Variants in ERBB3 observed in about 807,000 individuals in gnomAD.
ERBB3 encodes receptor tyrosine-protein kinase erbB-3.
ERBB3 carries 96 observed loss-of-function variants against 156.7 expected under a neutral mutation model. The ratio of observed to expected loss-of-function variants is 0.61; its 90% CI spans 0.52 to 0.73. The LOEUF (loss-of-function observed/expected upper bound fraction) is 0.73, where lower values mean the gene tolerates loss of function less well. ERBB3 is among the 30% of genes least tolerant of loss of function. The probability of loss-of-function intolerance (pLI) is 0.00; values close to 1 mark genes in which losing one functional copy is unlikely to be tolerated. For synonymous variants in ERBB3, 567 were observed against 632.0 expected (o/e 0.90, Z 1.54); for missense variants, 1,406 against 1,709.4 (o/e 0.82, Z 3.13).
intron 21 of ERBB3, 193 bp downstream of exon 21, chr12:56,098,133 G>C (rs566107230): frequency 4.8e-6 from 3 of 626,938 alleles, no homozygotes; most frequent in Non-Finnish European, 5.5e-6. Context: ...GGCCGGGCGC[G>C]GTGGCTCACG....
intron 27 of ERBB3, 61 bp downstream of exon 27, chr12:56,101,422 C>A: frequency 1.2e-6 from 2 of 1,601,364 alleles, no homozygotes; most frequent in Non-Finnish European, 1.7e-6. Flanking sequence ...CCGGGCTCCT[C>A]TTTTTTCTTC....
Position 56,090,053 on chromosome 12 carries a change from C to T in ERBB3, c.1109+1185C>T, listed in dbSNP as rs150160186. ...TTCCCCAGGCTAGAGTGCAGTGGTGCAATCTTGGCTCACTGCAACCTCCGC... is the reference window on the plus strand; with the variant it reads ...TTCCCCAGGCTAGAGTGCAGTGGTGTAATCTTGGCTCACTGCAACCTCCGC... On this transcript the variant is annotated intron_variant, in intron 9 of 27. Transcript: ENST00000267101. Among the ~76,000 whole-genome samples the T allele has an allele frequency of 5.3e-3, 801 of 150,714 alleles. 7 individuals carry two copies. Among genetic ancestry groups the T allele is most frequent in the African/African-American group, 0.019 (772 of 41,020 alleles).
In ERBB3 at chr12:56,097,964, A is replaced by C. The variant is rs372066092; in HGVS notation, c.2616+24A>C. The C allele has an allele frequency of 1.9e-4, 313 of 1,611,488 alleles. No homozygotes were observed. The African/African-American group carries it at 3.6e-3, about 18-fold the overall frequency. ...AGGTGAGGAGACACAAAGGGTAAGG[A>C]GGCGGGGGTGGAGTGAAGCATGGGG... On this transcript the variant is annotated intron_variant, in intron 21 of 27. Transcript: ENST00000267101.
Position 56,095,835 on chromosome 12 carries a change from C to T in ERBB3, c.2055+29C>T, listed in dbSNP as rs781057007. On this transcript the variant is annotated intron_variant, in intron 17 of 27. Transcript: ENST00000267101. ...AGTACTTAGCTTACTTTTGTTTTTT[C>T]TTTTCTTTTTTTGCATGTCCTGGAA... The T allele has an allele frequency of 5.0e-6, 8 of 1,613,682 alleles. No individual in the cohort carries two copies. The South Asian group carries it at 5.5e-5, about 11-fold the overall frequency.
intron 15 of ERBB3, 51 bp downstream of exon 15, chr12:56,094,607 C>G: frequency 6.3e-7 from 1 of 1,594,104 alleles, no homozygotes; most frequent in South Asian, 1.1e-5. Context: ...GGTAGGAGCA[C>G]AGAACTAGAG....
intron 4 of ERBB3, 89 bp downstream of exon 4, chr12:56,086,745 C>A: frequency 6.5e-7 from 1 of 1,531,298 alleles, no homozygotes; most frequent in Non-Finnish European, 9.0e-7. Flanking sequence ...CTGATCTGAA[C>A]CCGCCTCCCC....
rs751428454 is a variant in ERBB3, at chr12:56,093,586, G to A, written c.1480+36G>A. ...GGGTCTGCTAGGTGGTGAGAATAGG[G>A]AGTCAGGGAGGAGAGGGCTGAAAGG... On this transcript the variant is annotated intron_variant, in intron 12 of 27. Coordinates refer to ENST00000267101, the MANE Select transcript of ERBB3 (RefSeq NM_001982.4). The A allele has an allele frequency of 1.8e-5, 28 of 1,594,400 alleles. 2 individuals carry two copies. The South Asian group carries it at 2.0e-4, about 11-fold the overall frequency.
Position 56,088,741 on chromosome 12 carries a change from T to C in ERBB3, c.989-7T>C. ...CCACCCCCACTGAACCTCTCTTACATTTGCAGCCTGTGAGGGAACAGGCTC... is the reference window on the plus strand; with the variant it reads ...CCACCCCCACTGAACCTCTCTTACACTTGCAGCCTGTGAGGGAACAGGCTC... On this transcript the variant is annotated splice_region_variant and splice_polypyrimidine_tract_variant and intron_variant, in intron 8 of 27. Transcript: ENST00000267101. 6.2e-7 allele frequency: 1 copy of C among 1,614,084 alleles called. No homozygotes were observed. The highest frequency in any genetic ancestry group is 8.5e-7 in the Non-Finnish European group (1 of 1,180,012).
chr12:56,094,086 T>C lies in ERBB3; in HGVS notation c.1614-13T>C, dbSNP rs748329753. 42 of 1,606,436 alleles carry C rather than the reference T, an allele frequency of 2.6e-5. No individual in the cohort carries two copies. In the South Asian group the frequency reaches 4.4e-4, roughly 17 times the overall value. ...TGGAAGTGACCCCCCCCTCCCTTTA[T>C]TCCCCACTACAGGGAGCCTCGAGAA... On this transcript the variant is annotated splice_polypyrimidine_tract_variant and intron_variant, in intron 13 of 27. Coordinates refer to ENST00000267101, the MANE Select transcript of ERBB3 (RefSeq NM_001982.4).
intron 3 of ERBB3, among the ~76,000 whole-genome samples, chr12:56,085,845 G>A (rs1489474349): frequency 6.6e-6 from 1 of 151,084 alleles, no homozygotes; most frequent in Non-Finnish European, 1.5e-5. Context: ...CAAGGCAGGT[G>A]GATCACAAGG....
chr12:56,092,886 A>G (rs1868762296), intron 10 of ERBB3, 66 bp downstream of exon 10: 1 of 1,559,346 alleles, frequency 6.4e-7, no homozygotes, highest in Admixed American at 1.7e-5. Context: ...TTGCGGTATA[A>G]CTACTTGAGA....
chr12:56,090,486 A>T (rs1365919141), intron 9 of ERBB3, among the ~76,000 whole-genome samples: 1 of 152,076 alleles, frequency 6.6e-6, no homozygotes, highest in East Asian at 1.9e-4. Context: ...TCTACTAAAA[A>T]TACAAAAATT....
chr12:56,087,965 G>A (rs1213930213), intron 6 of ERBB3, 52 bp downstream of exon 6: 2 of 1,613,774 alleles, frequency 1.2e-6, no homozygotes, highest in Non-Finnish European at 1.7e-6. Context: ...TGGCCTTTGA[G>A]GAGGAGGTAG....
At position 56,103,469 on chromosome 12, in the gene ERBB3, A is replaced by G. The variant is rs1869195838; in HGVS notation, c.*1414A>G. 1 of 199,990 alleles carries G rather than the reference A, an allele frequency of 5.0e-6. No homozygotes were observed. The highest frequency in any genetic ancestry group is 1.0e-5 in the Non-Finnish European group (1 of 97,064). 12.4% of individuals were successfully genotyped at this position (199,990 alleles called of 1,614,324 possible). On this transcript the variant is annotated 3_prime_UTR_variant, in exon 28 of 28. Transcript: ENST00000267101. ...CACTGAAGTTTTTTGTTTTGTTTTTATACGTGTCTGAATAAAAATGCCAAA... is the reference window on the plus strand; with the variant it reads ...CACTGAAGTTTTTTGTTTTGTTTTTGTACGTGTCTGAATAAAAATGCCAAA...
At position 56,097,929 on chromosome 12, in the gene ERBB3, A is replaced by C; in HGVS notation, c.2605A>C (p.Ser869Arg). The change falls in exon 21 of 28, where the codon AGT (serine) becomes CGT (arginine). Residue 869 changes from serine (S) to arginine (R), a missense_variant. Around this residue, in one of 3 missense-constraint regions of ERBB3, gnomAD observed 979 missense variants for 1,219.6 expected, o/e 0.80. Transcript: ENST00000267101. Reference protein sequence around the residue: ...LPPDDKQLLYSEAKTPIKWMA... With the variant: ...LPPDDKQLLYREAKTPIKWMA... ...TCCTGATGATAAGCAGCTGCTATACAGTGAGGCCAAGGTGAGGAGACACAA... is the reference window on the plus strand; with the variant it reads ...TCCTGATGATAAGCAGCTGCTATACCGTGAGGCCAAGGTGAGGAGACACAA... 6.2e-7 allele frequency: 1 copy of C among 1,613,292 alleles called. No homozygotes were observed. Among genetic ancestry groups the C allele is most frequent in the East Asian group, 2.2e-5 (1 of 44,876 alleles).
At chr12:56,097,714 T>C (rs930844662) in intron 20 of ERBB3, 71 bp from the exon 21 acceptor site, 12 of 1,508,642 alleles carry the variant, frequency 8.0e-6, no homozygotes, top group African/African-American at 1.4e-5. Context: ...CCTTCAAGAT[T>C]TGGGGGAATT....
intron 13 of ERBB3, 76 bp from the exon 14 acceptor site, chr12:56,094,023 A>T: frequency 6.4e-7 from 1 of 1,555,716 alleles, no homozygotes; most frequent in South Asian, 1.1e-5. Context: ...GAGGTAGGAG[A>T]CCTGTGGTTG....
intron 9 of ERBB3, among the ~76,000 whole-genome samples, chr12:56,091,771 A>C (rs1868721551): frequency 6.6e-6 from 1 of 152,270 alleles, no homozygotes; most frequent in East Asian, 1.9e-4. Context: ...AGGTTTTTCT[A>C]CTGTAAAGTT....
chr12:56,093,602 G>A, intron 12 of ERBB3, 52 bp downstream of exon 12: 2 of 1,580,640 alleles, frequency 1.3e-6, no homozygotes, highest in South Asian at 1.1e-5. Context: ...GGGAGGAGAG[G>A]GCTGAAAGGA....
Sources: allele counts gnomAD v4.1 joint callset (sites outside exome capture counted in the v4.1 genomes callset), GRCh38; gene constraint gnomAD v4.1.1; regional missense constraint gnomAD v4.1.1; transcripts MANE v1.5; gene names NCBI Gene and HGNC (gene_info 2026-07-23, HGNC 2026-07-21).